USP37: variants seen among roughly 807,000 people sequenced by gnomAD.
USP37 encodes ubiquitin carboxyl-terminal hydrolase 37.
USP37 carries 27 observed loss-of-function variants against 124.0 expected under a neutral mutation model. The ratio of observed to expected loss-of-function variants is 0.22; its 90% CI spans 0.16 to 0.30. USP37 has a LOEUF of 0.30. Among genes scored for constraint, USP37 ranks in the 10% least tolerant of loss-of-function variants. The pLI is 1.00. For synonymous variants in USP37, 365 were observed against 388.0 expected, an observed-to-expected ratio of 0.94 and a Z score of 0.70; for missense variants, 889 against 1,140.4, an observed-to-expected ratio of 0.78 and a Z score of 3.17.
At chr2:218,534,467 C>T (rs1439733951) in intron 9 of USP37, 142 bp downstream of exon 9, 7 of 319,764 alleles carry the variant, frequency 2.2e-5, no homozygotes, top group Non-Finnish European at 2.5e-5. Flanking sequence ...CCAACCTGGG[C>T]GACAGAGCAA....
In USP37 at chr2:218,452,602, C is replaced by A. The variant is rs542393471; in HGVS notation, c.*2328G>T. 6.6e-6 allele frequency: 1 copy of A among 152,218 alleles called. No homozygotes were observed. Among genetic ancestry groups the A allele is most frequent in the East Asian group, 1.9e-4 (1 of 5,180 alleles). The allele number at this position is 152,218 out of a possible 1,614,324, so 9.4% of individuals were successfully genotyped here. On this transcript the variant is annotated 3_prime_UTR_variant, in exon 26 of 26. Coordinates refer to ENST00000258399, the MANE Select transcript of USP37 (RefSeq NM_020935.3). ...TGAGATAACTTATATATTCCAATAA[C>A]CTATTTTCAACAACTCCTGCCCAAG...
chr2:218,549,753 T>C, intron 6 of USP37, 56 bp downstream of exon 6: 6 of 1,547,118 alleles, frequency 3.9e-6, no homozygotes, highest in Admixed American at 1.8e-5. Flanking sequence ...CGTGAGCCAC[T>C]GTGCCTGGCC....
chr2:218,515,662 A>G (rs1690237902), intron 10 of USP37, among the ~76,000 whole-genome samples: 1 of 152,252 alleles, frequency 6.6e-6, no homozygotes, highest in Non-Finnish European at 1.5e-5. Flanking sequence ...CTAAAACACC[A>G]AAAGCATTTG....
chr2:218,501,998 TCA>T (rs905328441), intron 11 of USP37, among the ~76,000 whole-genome samples: 30 of 152,200 alleles, frequency 2.0e-4, no homozygotes, highest in Middle Eastern at 3.4e-3. Flanking sequence ...CTAGATGAAT[TCA>T]CAGAGTGTTA....
At chr2:218,551,577 G>T (rs867194365) in intron 5 of USP37, among the ~76,000 whole-genome samples, 2 of 152,176 alleles carry the variant, frequency 1.3e-5, no homozygotes, top group Middle Eastern at 3.2e-3. Flanking sequence ...TATGGCCAAA[G>T]CCCATATTTT....
At chr2:218,469,343 G>A (rs926920498) in intron 20 of USP37, among the ~76,000 whole-genome samples, 1 of 152,170 alleles carries the variant, frequency 6.6e-6, no homozygotes, top group African/African-American at 2.4e-5. Flanking sequence ...TACGCCTGCT[G>A]AACTGGGAAT....
chr2:218,457,189 T>TATTC, intron 23 of USP37, 28 bp from the exon 24 acceptor site: 2 of 1,601,866 alleles, frequency 1.2e-6, no homozygotes, highest in Non-Finnish European at 8.5e-7. Flanking sequence ...GTATAACTTT[T>TATTC]AAGTCTTCAT....
intron 8 of USP37, among the ~76,000 whole-genome samples, chr2:218,541,727 A>G (rs1313719551): frequency 6.6e-6 from 1 of 152,190 alleles, no homozygotes; most frequent in African/African-American, 2.4e-5. Context: ...GGAAGCAACA[A>G]TATGAAGAAT....
chr2:218,530,093 G>T, intron 9 of USP37, 53 bp from the exon 10 acceptor site: 1 of 1,395,820 alleles, frequency 7.2e-7, no homozygotes, highest in Non-Finnish European at 9.9e-7. Flanking sequence ...AACCATTCAA[G>T]TTCATTTAAT....
At chr2:218,528,251 A>AT (rs893215794) in intron 10 of USP37, 6 of 152,228 alleles carry the variant, frequency 3.9e-5, no homozygotes, top group African/African-American at 1.4e-4. Flanking sequence ...TAGCATGTAT[A>AT]TTATAGACTA....
intron 6 of USP37, among the ~76,000 whole-genome samples, chr2:218,549,269 A>T (rs1201078591): frequency 6.6e-6 from 1 of 152,068 alleles, no homozygotes; most frequent in African/African-American, 2.4e-5. Flanking sequence ...AAAGAACCTG[A>T]CAAAAATGAA....
chr2:218,480,415 A>AAAAAAAT (rs1691206880), intron 17 of USP37, among the ~76,000 whole-genome samples: 1 of 151,356 alleles, frequency 6.6e-6, no homozygotes, highest in African/African-American at 2.4e-5. Context: ...AAAAAAAAAA[A>AAAAAAAT]AAAAAAAAAT....
At chr2:218,522,123 G>A (rs994106506) in intron 10 of USP37, among the ~76,000 whole-genome samples, 1 of 147,378 alleles carries the variant, frequency 6.8e-6, no homozygotes, top group African/African-American at 2.5e-5. Context: ...CCATCCTCCT[G>A]CCTTGGCCTC....
chr2:218,535,092 G>A (rs1024861233), intron 8 of USP37, among the ~76,000 whole-genome samples: 9 of 152,138 alleles, frequency 5.9e-5, no homozygotes, highest in African/African-American at 2.2e-4. Flanking sequence ...GTGGCCAGGC[G>A]CGGTGGCTCA....
chr2:218,506,545 A>G (rs1006038843), intron 11 of USP37, among the ~76,000 whole-genome samples: 3 of 150,852 alleles, frequency 2.0e-5, no homozygotes, highest in African/African-American at 7.3e-5. Context: ...TGCACCTCCC[A>G]AAGTGCTGGG....
intron 7 of USP37, 90 bp downstream of exon 7, chr2:218,546,829 C>T: frequency 4.2e-6 from 6 of 1,435,322 alleles, no homozygotes; most frequent in Non-Finnish European, 5.7e-6. Flanking sequence ...GTACTCTATA[C>T]TTTATTTCTC....
chr2:218,485,472 C>G (rs1426451926), intron 16 of USP37, among the ~76,000 whole-genome samples, 192 bp downstream of exon 16: 2 of 152,038 alleles, frequency 1.3e-5, no homozygotes, highest in East Asian at 3.9e-4. Flanking sequence ...TATGCAAAAG[C>G]ATTCTAGCTC....
At chr2:218,487,116 G>A (rs1003654954) in intron 15 of USP37, among the ~76,000 whole-genome samples, 8 of 152,116 alleles carry the variant, frequency 5.3e-5, no homozygotes, top group African/African-American at 1.9e-4. Flanking sequence ...AGGGGGAATC[G>A]ATTCTTGCAA....
intron 16 of USP37, among the ~76,000 whole-genome samples, chr2:218,482,776 C>T (rs538268242): frequency 9.9e-5 from 15 of 152,108 alleles, no homozygotes; most frequent in Non-Finnish European, 1.9e-4. Flanking sequence ...AAAAGCTTTA[C>T]AAAAATTTGC....
Sources: gnomAD v4.1 joint callset for allele counts (sites outside exome capture counted in the v4.1 genomes callset) on GRCh38, gnomAD v4.1.1 for gene constraint, MANE v1.5 for transcripts, NCBI Gene and HGNC (gene_info 2026-07-23, HGNC 2026-07-21) for gene names.